Variants in GABRR2 observed in about 807,000 individuals in gnomAD.
The protein encoded by GABRR2 is gamma-aminobutyric acid type A receptor subunit rho2, also known as gamma-aminobutyric acid receptor subunit rho-2.
In GABRR2, 36 loss-of-function variants were observed where a neutral mutation model predicts 47.0. The observed-to-expected ratio is 0.77, with a 90% CI of 0.59 to 1.01. The LOEUF (loss-of-function observed/expected upper bound fraction) is 1.01, where lower values mean the gene tolerates loss of function less well. GABRR2 is among the 50% of genes least tolerant of loss of function. The pLI, the probability that GABRR2 is intolerant of heterozygous loss-of-function variation, is 0.00. For missense variants in GABRR2, 587 were observed against 594.6 expected (o/e 0.99, Z 0.13); for synonymous variants, 204 against 227.5 (o/e 0.90, Z 0.93).
chr6:89,291,208 T>C (rs1774434486), intron 2 of GABRR2, among the ~76,000 whole-genome samples: 1 of 152,074 alleles, frequency 6.6e-6, no homozygotes, highest in Non-Finnish European at 1.5e-5. Context: ...TCCCTCCATT[T>C]CTTTCTGTGG....
At chr6:89,306,368 A>G (rs532116918) in intron 1 of GABRR2, among the ~76,000 whole-genome samples, 28 of 152,322 alleles carry the variant, frequency 1.8e-4, no homozygotes, top group African/African-American at 6.5e-4. Flanking sequence ...TTTAAAAAAA[A>G]AAAAAATTCT....
In GABRR2 at chr6:89,269,171, C is replaced by A; in HGVS notation, c.352G>T (p.Ala118Ser). 1.5e-5 allele frequency: 24 copies of A among 1,614,052 alleles called. No homozygotes were observed. The highest frequency in any genetic ancestry group is 1.8e-5 in the Non-Finnish European group (21 of 1,179,906). Residue 118 changes from alanine (A) to serine (S), a missense_variant, in exon 4 of 9, where the codon GCC becomes TCC. By Grantham distance (99) the Ala-to-Ser change is moderately conservative. Coordinates refer to ENST00000402938, the MANE Select transcript of GABRR2 (RefSeq NM_002043.5). ...WKDERLAFSS[A>S]SNKSMTFDGR... is the part of the protein sequence containing the mutation. ...TCGAAGGTCATGCTCTTGTTGCTGG[C>A]GCTGGAGAAAGCTAGCCTCTCATCC...
At chr6:89,294,063 AAT>A (rs1774514281) in intron 2 of GABRR2, among the ~76,000 whole-genome samples, 1 of 152,226 alleles carries the variant, frequency 6.6e-6, no homozygotes, top group African/African-American at 2.4e-5. Flanking sequence ...ATTTTTAAAA[AAT>A]ATTTTGTTTA....
In GABRR2 at chr6:89,257,797, C is replaced by T. The variant is rs1410968779; in HGVS notation, c.1271G>A (p.Gly424Glu). Reference sequence around the variant, plus strand: ...AAAACCCGTCTGGCCCTTCAGAAGCCCCTTCTTTCTGGCAGCGTTGGCTTC... The same window carrying T: ...AAAACCCGTCTGGCCCTTCAGAAGCTCCTTCTTTCTGGCAGCGTTGGCTTC... ...SGEANAARKK[G>E]LLKGQTGFRI... The change falls in exon 9 of 9, where the codon GGG (glycine) becomes GAG (glutamate). Residue 424 changes from glycine (G) to glutamate (E), a missense_variant. Physicochemically the swap from Gly to Glu is moderately conservative, Grantham distance 98. Coordinates refer to ENST00000402938, the MANE Select transcript of GABRR2 (RefSeq NM_002043.5). 6.2e-7 allele frequency: 1 copy of T among 1,614,020 alleles called. No homozygotes were observed. The highest frequency in any genetic ancestry group is 1.1e-5 in the South Asian group (1 of 91,088).
At chr6:89,275,255 G>T (rs1562365669) in intron 2 of GABRR2, among the ~76,000 whole-genome samples, 1 of 152,028 alleles carries the variant, frequency 6.6e-6, no homozygotes, top group Non-Finnish European at 1.5e-5. Flanking sequence ...TTAAAAATTG[G>T]ACAAAAATAG....
At chr6:89,294,984 G>A (rs1774531108) in intron 2 of GABRR2, among the ~76,000 whole-genome samples, 1 of 151,900 alleles carries the variant, frequency 6.6e-6, no homozygotes, top group African/African-American at 2.4e-5. Context: ...CCTTTTTTAT[G>A]GCTGCATTGT....
chr6:89,267,473 G>A (rs1405421667), intron 6 of GABRR2, among the ~76,000 whole-genome samples: 1 of 152,172 alleles, frequency 6.6e-6, no homozygotes, highest in African/African-American at 2.4e-5. Context: ...AGGCTGACGT[G>A]GGAGGATCAC....
At chr6:89,310,021 C>G (rs1030225968) in intron 1 of GABRR2, among the ~76,000 whole-genome samples, 12 of 150,360 alleles carry the variant, frequency 8.0e-5, no homozygotes, top group African/African-American at 2.5e-4. Context: ...CTTGCTGCAG[C>G]CTCCCAAACT....
chr6:89,260,489 C>T (rs1270858403), intron 8 of GABRR2, among the ~76,000 whole-genome samples: 1 of 152,188 alleles, frequency 6.6e-6, no homozygotes, highest in Non-Finnish European at 1.5e-5. Context: ...GCTAATCAGC[C>T]AAAGTACTGG....
At chr6:89,261,031 G>C (rs998566485) in intron 8 of GABRR2, among the ~76,000 whole-genome samples, 1 of 152,128 alleles carries the variant, frequency 6.6e-6, no homozygotes, top group Non-Finnish European at 1.5e-5. Context: ...GAGACTTAGC[G>C]GCCTGAGGCC....
intron 2 of GABRR2, among the ~76,000 whole-genome samples, chr6:89,289,212 G>A (rs762787419): frequency 2.0e-5 from 3 of 152,206 alleles, no homozygotes; most frequent in African/African-American, 4.8e-5. Flanking sequence ...TAGGAGAGAA[G>A]AGGCCTTGCC....
chr6:89,309,854 T>C (rs938839101), intron 1 of GABRR2, among the ~76,000 whole-genome samples: 6 of 152,158 alleles, frequency 3.9e-5, no homozygotes, highest in African/African-American at 1.4e-4. Context: ...TGTAGCTCAC[T>C]GCAGCCTCAA....
At chr6:89,312,513 C>T (rs901004600) in intron 1 of GABRR2, among the ~76,000 whole-genome samples, 44 of 152,044 alleles carry the variant, frequency 2.9e-4, no homozygotes, top group Non-Finnish European at 5.6e-4. Context: ...ATGTGGCATG[C>T]GGTATGTGTG....
chr6:89,264,055 T>C (rs1005198528), intron 8 of GABRR2, among the ~76,000 whole-genome samples: 1 of 152,190 alleles, frequency 6.6e-6, no homozygotes, highest in African/African-American at 2.4e-5. Context: ...GTCTAGATCC[T>C]GATACATGTG....
At chr6:89,266,852 G>A (rs950875848) in intron 6 of GABRR2, among the ~76,000 whole-genome samples, 4 of 151,998 alleles carry the variant, frequency 2.6e-5, no homozygotes, top group Non-Finnish European at 4.4e-5. Flanking sequence ...ACAGGGTCTC[G>A]CTCTATTGCC....
chr6:89,271,993 A>G (rs282115), intron 2 of GABRR2, among the ~76,000 whole-genome samples: 145,382 of 152,330 alleles, frequency 0.95, 69,436 homozygotes, highest in East Asian at 1. Flanking sequence ...GCTGATCACC[A>G]CTTTTTACAT....
In GABRR2 at chr6:89,315,196, T is replaced by A. The variant is rs772073085; in HGVS notation, c.-31A>T. 9 of 1,613,394 alleles carry A rather than the reference T, an allele frequency of 5.6e-6. No individual in the cohort carries two copies. The South Asian group carries it at 7.7e-5, about 14-fold the overall frequency. On this transcript the variant is annotated 5_prime_UTR_variant, in exon 1 of 9. In the 5' UTR this introduces an upstream ATG that the reference lacks. Coordinates refer to ENST00000402938, the MANE Select transcript of GABRR2 (RefSeq NM_002043.5). ...GGACATCTGTGAGGCAAAAAGCTGCTTTCCAGTAGCCTGTGGCAGAGCAAA... is the reference window on the plus strand; with the variant it reads ...GGACATCTGTGAGGCAAAAAGCTGCATTCCAGTAGCCTGTGGCAGAGCAAA...
intron 8 of GABRR2, among the ~76,000 whole-genome samples, chr6:89,258,521 C>T (rs1773660912): frequency 7.4e-6 from 1 of 135,174 alleles, no homozygotes; most frequent in Admixed American, 7.8e-5. Context: ...GCCTGGGCAA[C>T]ATAGTGAGAC....
chr6:89,283,194 A>AT (rs56937794), intron 2 of GABRR2, among the ~76,000 whole-genome samples: 44,528 of 149,360 alleles, frequency 0.3, 6,621 homozygotes, highest in East Asian at 0.47. Flanking sequence ...TTGGATTTTA[A>AT]TTTTTTTTTT....
Sources: allele counts gnomAD v4.1 joint callset (sites outside exome capture counted in the v4.1 genomes callset), GRCh38; gene constraint gnomAD v4.1.1; transcripts MANE v1.5; gene names NCBI Gene and HGNC (gene_info 2026-07-23, HGNC 2026-07-21).